Variants in INTS9 observed in about 807,000 individuals in gnomAD.
INTS9 encodes the protein protein related to CPSF subunits of 74 kDa.
Under a neutral mutation model 79.7 loss-of-function variants are expected in INTS9, and 55 were observed. The observed-to-expected ratio is 0.69, with a 90% confidence interval of 0.56 to 0.86. INTS9 has a LOEUF of 0.86. Among genes scored for constraint, INTS9 ranks in the 40% least tolerant of loss-of-function variants. The pLI is 0.00. For missense variants in INTS9, 721 were observed against 831.5 expected (o/e 0.87, Z 1.64); for synonymous variants, 319 against 325.2 (o/e 0.98, Z 0.20).
rs144096547 is a variant in INTS9, at chr8:28,847,329, C to T, written c.199-520G>A. ...GTTTAGAAGCTTTTTCTTCACCTAC[C>T]AAGGGTTGGGAGGAAAGGGGGATGT... is the stretch of plus-strand genomic sequence containing the variant. On this transcript the variant is annotated intron_variant, in intron 3 of 16. Coordinates refer to ENST00000521022, the MANE Select transcript of INTS9 (RefSeq NM_018250.4). Among the ~76,000 whole-genome samples the T allele has an allele frequency of 5.0e-3, 759 of 152,232 alleles. 8 individuals carry two copies. Among genetic ancestry groups the T allele is most frequent in the African/African-American group, 0.017 (724 of 41,536 alleles).
At chr8:28,840,773 C>A (rs1187865173) in intron 4 of INTS9, among the ~76,000 whole-genome samples, 1 of 116,794 alleles carries the variant, frequency 8.6e-6, no homozygotes, top group Non-Finnish European at 1.6e-5. Context: ...AGGGGAACAT[C>A]ACACTCTGGG....
At chr8:28,794,482 T>C (rs1053507314) in intron 9 of INTS9, among the ~76,000 whole-genome samples, 4 of 152,222 alleles carry the variant, frequency 2.6e-5, no homozygotes, top group African/African-American at 9.6e-5. Flanking sequence ...ACCTAGATGC[T>C]ATAACTTGAG....
intron 6 of INTS9, among the ~76,000 whole-genome samples, chr8:28,819,039 C>G (rs1805670409): frequency 6.6e-6 from 1 of 152,048 alleles, no homozygotes; most frequent in Admixed American, 6.5e-5. Context: ...TGATTCTTCT[C>G]TCTTTTCTTC....
chr8:28,771,975 C>T (rs1802568489), intron 14 of INTS9, among the ~76,000 whole-genome samples: 1 of 152,202 alleles, frequency 6.6e-6, no homozygotes, highest in Non-Finnish European at 1.5e-5. Context: ...ATGTTCCCTC[C>T]TCAGCCTCCC....
At chr8:28,864,236 T>C (rs577819106) in intron 1 of INTS9, among the ~76,000 whole-genome samples, 13 of 152,182 alleles carry the variant, frequency 8.5e-5, no homozygotes, top group South Asian at 2.1e-4. Context: ...CAGAAGACAA[T>C]TGGAGTAGTA....
At chr8:28,888,717 C>A (rs1414745420) in intron 1 of INTS9, among the ~76,000 whole-genome samples, 2 of 152,152 alleles carry the variant, frequency 1.3e-5, no homozygotes, top group African/African-American at 4.8e-5. Context: ...CATCCTTCCC[C>A]TTATATAAAC....
chr8:28,787,420 G>C (rs1803669674), intron 11 of INTS9, among the ~76,000 whole-genome samples: 1 of 152,170 alleles, frequency 6.6e-6, no homozygotes, highest in Admixed American at 6.5e-5. Flanking sequence ...GCTATGAATT[G>C]CATGAACATG....
At chr8:28,777,193 G>T (rs946048492) in intron 13 of INTS9, among the ~76,000 whole-genome samples, 6 of 152,118 alleles carry the variant, frequency 3.9e-5, no homozygotes, top group African/African-American at 1.4e-4. Context: ...ACACCAGGGA[G>T]TGGAAAGGGA....
At chr8:28,850,452 A>G (rs1807769691) in intron 2 of INTS9, among the ~76,000 whole-genome samples, 179 bp from the exon 3 acceptor site, 1 of 151,040 alleles carries the variant, frequency 6.6e-6, no homozygotes. Context: ...CTTAAAAATT[A>G]TGTGGCAATA....
intron 10 of INTS9, among the ~76,000 whole-genome samples, chr8:28,789,400 G>T (rs1803795798): frequency 6.6e-6 from 1 of 152,182 alleles, no homozygotes; most frequent in Admixed American, 6.5e-5. Context: ...CTAAGACAGA[G>T]GCTGAAGGAC....
intron 1 of INTS9, among the ~76,000 whole-genome samples, chr8:28,885,985 G>A (rs112698388): frequency 4.6e-5 from 7 of 152,140 alleles, no homozygotes; most frequent in South Asian, 2.1e-4. Context: ...GAAATCCTCT[G>A]AGTTGGTATC....
chr8:28,812,580 T>A, intron 7 of INTS9, 119 bp from the exon 8 acceptor site: 1 of 1,145,246 alleles, frequency 8.7e-7, no homozygotes, highest in Non-Finnish European at 1.2e-6. Context: ...TATTTTAAAG[T>A]AAACCAGAGA....
intron 6 of INTS9, among the ~76,000 whole-genome samples, chr8:28,822,017 G>A (rs1005949877): frequency 7.2e-5 from 11 of 152,052 alleles, no homozygotes; most frequent in East Asian, 5.8e-4. Flanking sequence ...TCTGCCCGCC[G>A]TGGCCTCCCA....
At chr8:28,853,358 A>G (rs1486796554) in intron 2 of INTS9, among the ~76,000 whole-genome samples, 3 of 151,816 alleles carry the variant, frequency 2.0e-5, no homozygotes, top group African/African-American at 7.3e-5. Flanking sequence ...GGTTGCAGTG[A>G]GCCAAGATGG....
chr8:28,806,156 G>A (rs766262707), intron 8 of INTS9, among the ~76,000 whole-genome samples: 16 of 152,324 alleles, frequency 1.1e-4, no homozygotes, highest in Admixed American at 3.3e-4. Flanking sequence ...CTTGAACTGC[G>A]GAGGCAGAGG....
chr8:28,833,996 C>A (rs1282207161), intron 6 of INTS9, among the ~76,000 whole-genome samples: 2 of 152,194 alleles, frequency 1.3e-5, no homozygotes, highest in East Asian at 3.9e-4. Context: ...GCCTTATCTC[C>A]ATTTTACTTG....
chr8:28,856,426 G>GT (rs1808164004), intron 2 of INTS9, among the ~76,000 whole-genome samples: 1 of 151,904 alleles, frequency 6.6e-6, no homozygotes, highest in Admixed American at 6.6e-5. Flanking sequence ...TTTTGTTGTT[G>GT]TTTTTTTGAG....
intron 2 of INTS9, among the ~76,000 whole-genome samples, chr8:28,854,000 C>T (rs1447049629): frequency 6.6e-6 from 1 of 152,096 alleles, no homozygotes; most frequent in Non-Finnish European, 1.5e-5. Flanking sequence ...GGATTACAGG[C>T]GTAAGCCACC....
Position 28,787,842 on chromosome 8 carries a change from A to G in INTS9, c.1085T>C (p.Phe362Ser). The change falls in exon 11 of 17, where the codon TTT becomes TCT. Residue 362 changes from phenylalanine (F) to serine (S), a missense_variant. Around this residue, in one of 3 missense-constraint regions of INTS9, gnomAD observed 149 missense variants for 223.7 expected, o/e 0.67. Transcript: ENST00000521022. ...TTGTTTTCTTACCTCTGCATGAGGA[A>G]AAGGTGGTTCTGGAAGATACACCTT... Reference protein sequence around the residue: ...QSKVYLPEPPFPHAELIQTNK... With the variant: ...QSKVYLPEPPSPHAELIQTNK... 2 of 1,608,678 alleles carry G rather than the reference A, an allele frequency of 1.2e-6. No homozygotes were observed. The highest frequency in any genetic ancestry group is 1.7e-4 in the Middle Eastern group (1 of 6,038).
Sources: gnomAD v4.1 joint callset for allele counts (sites outside exome capture counted in the v4.1 genomes callset) on GRCh38, gnomAD v4.1.1 for gene constraint, gnomAD v4.1.1 regional missense constraint, MANE v1.5 for transcripts, NCBI Gene and HGNC (gene_info 2026-07-23, HGNC 2026-07-21) for gene names.